The following SAMD12 variants were observed in gnomAD, a reference collection of about 807,000 sequenced individuals.
SAMD12 encodes the protein sterile alpha motif domain containing 12.
SAMD12 carries 9 observed loss-of-function variants against 15.0 expected under a neutral mutation model. The observed-to-expected ratio is 0.60, with a 90% CI of 0.36 to 1.05. SAMD12 has a LOEUF of 1.05. SAMD12 is among the 50% of genes least tolerant of loss of function. The probability of loss-of-function intolerance (pLI) is 0.01; values close to 1 mark genes in which losing one functional copy is unlikely to be tolerated. For synonymous variants in SAMD12, 86 were observed against 90.1 expected (o/e 0.96, Z 0.25); for missense variants, 230 against 234.2 (o/e 0.98, Z 0.12).
chr8:118,163,650 C>A, the SAMD12 span, among the ~76,000 whole-genome samples: 1 of 151,216 alleles, frequency 6.6e-6, no homozygotes, highest in African/African-American at 2.4e-5. Context: ...CCGAGGCGGG[C>A]GGATCACGAG....
downstream of SAMD12, among the ~76,000 whole-genome samples, chr8:118,376,629 A>G (rs1473190286): frequency 6.6e-6 from 1 of 152,168 alleles, no homozygotes; most frequent in Non-Finnish European, 1.5e-5. Context: ...TCAACAACAA[A>G]CAATTAAATG....
At chr8:118,430,200 C>A (rs1431903727) in intron 3 of SAMD12, among the ~76,000 whole-genome samples, 2 of 152,126 alleles carry the variant, frequency 1.3e-5, no homozygotes, top group East Asian at 1.9e-4. Context: ...CTGTTCAGAT[C>A]ATCAGAGAGT....
intron 2 of SAMD12, among the ~76,000 whole-genome samples, chr8:118,447,750 G>T (rs375730982): frequency 2.0e-4 from 23 of 114,110 alleles, no homozygotes; most frequent in Non-Finnish European, 3.2e-4. Context: ...TTTTGAGATG[G>T]AGTCTCACTA....
chr8:118,224,099 A>G (rs1586360054), intron 4 of SAMD12, among the ~76,000 whole-genome samples: 1 of 152,230 alleles, frequency 6.6e-6, no homozygotes, highest in Admixed American at 6.5e-5. Context: ...AACAAAACAC[A>G]CAATAAATAA....
intron 4 of SAMD12, among the ~76,000 whole-genome samples, chr8:118,210,076 C>T (rs990983103): frequency 1.3e-5 from 2 of 152,158 alleles, no homozygotes; most frequent in African/African-American, 2.4e-5. Context: ...GCATTTTATT[C>T]TGTCAGGGTC....
At chr8:118,264,509 G>C (rs1276922828) in intron 4 of SAMD12, among the ~76,000 whole-genome samples, 1 of 152,118 alleles carries the variant, frequency 6.6e-6, no homozygotes, top group Admixed American at 6.6e-5. Context: ...GTTCTCTAAA[G>C]CTGGCTGGGA....
At chr8:118,163,791 A>T in the SAMD12 span, among the ~76,000 whole-genome samples, 4 of 151,926 alleles carry the variant, frequency 2.6e-5, no homozygotes, top group East Asian at 1.9e-4. Flanking sequence ...GGGAGAATGG[A>T]GTGAACCCTG....
chr8:118,522,984 T>A lies in SAMD12; in HGVS notation c.192+57731A>T, dbSNP rs1825432050. ...GGCTGTTTTGGTCCTTGGAGGTCAT[T>A]CTGATATTTGACATTTCTCTAGCTG... On this transcript the variant is annotated intron_variant, in intron 2 of 3. Transcript: ENST00000314727. Among the ~76,000 whole-genome samples the A allele has an allele frequency of 2.0e-5, 3 of 152,194 alleles. No individual in the cohort carries two copies. In the South Asian group the frequency reaches 6.2e-4, roughly 31 times the overall value.
intron 2 of SAMD12, among the ~76,000 whole-genome samples, chr8:118,534,854 T>G (rs1416087028): frequency 6.6e-6 from 1 of 152,206 alleles, no homozygotes; most frequent in Non-Finnish European, 1.5e-5. Context: ...CAATGTTTTT[T>G]TCAAGATTTT....
intron 4 of SAMD12, among the ~76,000 whole-genome samples, chr8:118,224,489 GGTTT>G (rs1419042575): frequency 1.2e-4 from 19 of 152,220 alleles, no homozygotes; most frequent in African/African-American, 3.9e-4. Context: ...TTGGTCACAT[GGTTT>G]GTTTAAGGAT....
intron 2 of SAMD12, among the ~76,000 whole-genome samples, chr8:118,559,134 G>C (rs1826636218): frequency 6.6e-6 from 1 of 152,178 alleles, no homozygotes. Context: ...CACAAATTTA[G>C]GAATTATTCA....
intron 4 of SAMD12, among the ~76,000 whole-genome samples, chr8:118,240,952 C>T (rs1045147635): frequency 6.6e-6 from 1 of 152,114 alleles, no homozygotes; most frequent in Non-Finnish European, 1.5e-5. Flanking sequence ...AGCCCTCTAT[C>T]ACCCCATCAT....
intron 4 of SAMD12, among the ~76,000 whole-genome samples, chr8:118,321,144 A>AATAAATATATAT (rs57107358): frequency 5.6e-4 from 53 of 94,436 alleles, no homozygotes; most frequent in African/African-American, 1.5e-3. Context: ...ATAGATAATA[A>AATAAATATATAT]ATATATATAT....
At chr8:118,453,441 T>C (rs1823143059) in intron 2 of SAMD12, among the ~76,000 whole-genome samples, 1 of 152,192 alleles carries the variant, frequency 6.6e-6, no homozygotes. Flanking sequence ...TTTTTTCATA[T>C]GCCAGCAGTT....
chr8:118,459,903 T>A (rs1482712660), intron 2 of SAMD12, among the ~76,000 whole-genome samples: 1 of 152,086 alleles, frequency 6.6e-6, no homozygotes, highest in African/African-American at 2.4e-5. Context: ...GAGCAGACAC[T>A]AAGGAGCCAA....
At chr8:118,477,064 C>A (rs1329756199) in intron 2 of SAMD12, among the ~76,000 whole-genome samples, 1 of 95,182 alleles carries the variant, frequency 1.1e-5, no homozygotes, top group Non-Finnish European at 2.2e-5. Flanking sequence ...CTGAGGCTTT[C>A]TTTTTCTTTT....
intron 3 of SAMD12, among the ~76,000 whole-genome samples, chr8:118,428,354 C>T (rs1822296604): frequency 6.6e-6 from 1 of 150,752 alleles, no homozygotes; most frequent in Non-Finnish European, 1.5e-5. Flanking sequence ...TCTTTTGTGC[C>T]AAGAGCTCAA....
At chr8:118,447,059 T>C (rs10955885) in intron 2 of SAMD12, among the ~76,000 whole-genome samples, 65,746 of 152,034 alleles carry the variant, frequency 0.43, 17,006 homozygotes, top group South Asian at 0.58. Flanking sequence ...CTTCCCGCTG[T>C]GGAGGCCCTG....
At chr8:118,448,010 G>A (rs1048906544) in intron 2 of SAMD12, among the ~76,000 whole-genome samples, 4 of 152,116 alleles carry the variant, frequency 2.6e-5, no homozygotes, top group East Asian at 1.9e-4. Flanking sequence ...TTACAGGCGT[G>A]AGCCACCGCG....
Sources: gnomAD v4.1 joint callset for allele counts (sites outside exome capture counted in the v4.1 genomes callset) on GRCh38, gnomAD v4.1.1 for gene constraint, MANE v1.5 for transcripts, NCBI Gene and HGNC (gene_info 2026-07-23, HGNC 2026-07-21) for gene names.